CACNB4: variants seen among roughly 807,000 people sequenced by gnomAD.
CACNB4 encodes the protein calcium voltage-gated channel auxiliary subunit beta 4.
Under a neutral mutation model 71.2 loss-of-function variants are expected in CACNB4, and 32 were observed. The ratio of observed to expected loss-of-function variants is 0.45; its 90% confidence interval spans 0.34 to 0.60. The LOEUF (loss-of-function observed/expected upper bound fraction) is 0.60. Ranked by LOEUF, CACNB4 falls within the 20% of genes least tolerant of loss-of-function variation. The pLI, the probability that CACNB4 is intolerant of heterozygous loss-of-function variation, is 0.01. For synonymous variants in CACNB4, 231 were observed against 236.9 expected, an observed-to-expected ratio of 0.97 and a Z score of 0.23; for missense variants, 464 against 647.9, an observed-to-expected ratio of 0.72 and a Z score of 3.08.
intron 2 of CACNB4, among the ~76,000 whole-genome samples, chr2:152,040,889 A>T (rs1455023073): frequency 6.6e-6 from 1 of 152,232 alleles, no homozygotes; most frequent in African/African-American, 2.4e-5. Flanking sequence ...CTGTGAAACA[A>T]ATTGGTATTT....
chr2:151,903,653 T>C (rs1173194516), intron 2 of CACNB4, among the ~76,000 whole-genome samples: 1 of 152,210 alleles, frequency 6.6e-6, no homozygotes, highest in Non-Finnish European at 1.5e-5. Flanking sequence ...GCCAATAACA[T>C]GCTTCTCACA....
chr2:152,084,247 A>G (rs1687524595), intron 2 of CACNB4, among the ~76,000 whole-genome samples: 1 of 152,172 alleles, frequency 6.6e-6, no homozygotes, highest in African/African-American at 2.4e-5. Flanking sequence ...GCACAAGAAG[A>G]GTCACTCGAG....
intron 8 of CACNB4, chr2:151,870,281 CT>C (rs1559899136): frequency 1.4e-6 from 1 of 703,102 alleles, no homozygotes; most frequent in Non-Finnish European, 2.6e-6. Context: ...TTGACCAGAT[CT>C]TCCCATTGTG....
intron 2 of CACNB4, among the ~76,000 whole-genome samples, chr2:152,063,612 T>C (rs12465422): frequency 0.42 from 63,424 of 152,136 alleles, 16,007 homozygotes; most frequent in Non-Finnish European, 0.57. Context: ...GTTTTCTGCA[T>C]ATTACATAAT....
chr2:152,088,124 A>C (rs939992721), intron 2 of CACNB4, among the ~76,000 whole-genome samples: 7 of 144,078 alleles, frequency 4.9e-5, no homozygotes, highest in African/African-American at 1.9e-4. Context: ...TGAAAAAAAG[A>C]ATGCCTTCCC....
At chr2:151,894,635 G>A (rs530375034) in intron 2 of CACNB4, among the ~76,000 whole-genome samples, 70 of 152,168 alleles carry the variant, frequency 4.6e-4, no homozygotes, top group Admixed American at 1.0e-3. Context: ...CTTTACAGAC[G>A]ACATGATCTT....
chr2:152,074,802 C>T (rs1686918271), intron 2 of CACNB4, among the ~76,000 whole-genome samples: 1 of 152,056 alleles, frequency 6.6e-6, no homozygotes, highest in Non-Finnish European at 1.5e-5. Flanking sequence ...CATCACCATC[C>T]TACAGTCACC....
At chr2:152,089,577 G>A (rs1687855123) in intron 2 of CACNB4, among the ~76,000 whole-genome samples, 1 of 152,146 alleles carries the variant, frequency 6.6e-6, no homozygotes, top group Non-Finnish European at 1.5e-5. Flanking sequence ...CTCCAGCAAA[G>A]GGACAGAAAA....
chr2:151,998,054 G>A (rs778327788), intron 2 of CACNB4, among the ~76,000 whole-genome samples: 7 of 152,178 alleles, frequency 4.6e-5, no homozygotes, highest in African/African-American at 1.4e-4. Flanking sequence ...TGGGCATGGT[G>A]GCTCATGTCT....
chr2:152,071,565 A>G (rs1469019150), intron 2 of CACNB4, among the ~76,000 whole-genome samples: 2 of 152,224 alleles, frequency 1.3e-5, no homozygotes, highest in Non-Finnish European at 2.9e-5. Context: ...AGGGAAAAAA[A>G]TTAAGAATTT....
intron 2 of CACNB4, among the ~76,000 whole-genome samples, chr2:151,928,593 C>A (rs1311194630): frequency 6.6e-6 from 1 of 152,138 alleles, no homozygotes; most frequent in East Asian, 1.9e-4. Flanking sequence ...TGTGGATATG[C>A]AATCTCTGTG....
At chr2:152,052,631 G>C (rs1377718933) in intron 2 of CACNB4, among the ~76,000 whole-genome samples, 1 of 152,110 alleles carries the variant, frequency 6.6e-6, no homozygotes, top group Admixed American at 6.6e-5. Context: ...CTTAAGTCAA[G>C]GACCCTCTGT....
intron 2 of CACNB4, among the ~76,000 whole-genome samples, chr2:151,933,363 C>A (rs2099862096): frequency 6.6e-6 from 1 of 151,804 alleles, no homozygotes; most frequent in Non-Finnish European, 1.5e-5. Flanking sequence ...AGTAAGGCAT[C>A]CTGACCATGT....
In CACNB4 at chr2:152,098,671, G is replaced by C; in HGVS notation, c.64-258C>G. On this transcript the variant is annotated intron_variant, in intron 1 of 13. Transcript: ENST00000539935. The surrounding 1 kb of genome is among the most constrained non-coding windows in gnomAD (Gnocchi z 5.3). ...CCATTAACAAAGACTCTCAGGGTGC[G>C]GGGTCCGAGTCCCCGGCATCCGCTG... The C allele has an allele frequency of 6.4e-7, 1 of 1,568,296 alleles. No homozygotes were observed. The highest frequency in any genetic ancestry group is 8.6e-7 in the Non-Finnish European group (1 of 1,156,700).
At chr2:151,999,016 G>A (rs998469806) in intron 2 of CACNB4, among the ~76,000 whole-genome samples, 6 of 152,214 alleles carry the variant, frequency 3.9e-5, no homozygotes, top group African/African-American at 9.6e-5. Context: ...CCCCGGGGCT[G>A]AGCCTGAATT....
chr2:151,906,367 C>G (rs1319644098), intron 2 of CACNB4, among the ~76,000 whole-genome samples: 1 of 152,170 alleles, frequency 6.6e-6, no homozygotes, highest in Non-Finnish European at 1.5e-5. Context: ...GTGAAAATCA[C>G]TGTCTTATGC....
At chr2:152,007,043 A>G (rs1682769914) in intron 2 of CACNB4, among the ~76,000 whole-genome samples, 1 of 152,158 alleles carries the variant, frequency 6.6e-6, no homozygotes, top group Non-Finnish European at 1.5e-5. Flanking sequence ...ATGAGCAATA[A>G]GTTAGATGAG....
intron 2 of CACNB4, among the ~76,000 whole-genome samples, chr2:151,997,314 C>G (rs995127131): frequency 6.6e-6 from 1 of 152,108 alleles, no homozygotes; most frequent in Admixed American, 6.5e-5. Context: ...GCAGGCGGAT[C>G]ACGAGGTCAG....
At chr2:151,875,020 A>G (rs2099845602) in intron 5 of CACNB4, 5 of 354,922 alleles carry the variant, frequency 1.4e-5, no homozygotes, top group Admixed American at 4.8e-5. Flanking sequence ...ATACCATCAC[A>G]TTTTTTTTTT....
Sources: gnomAD v4.1 joint callset for allele counts (sites outside exome capture counted in the v4.1 genomes callset) on GRCh38, gnomAD v4.1.1 for gene constraint, Gnocchi (gnomAD v3.1) non-coding constraint, MANE v1.5 for transcripts, NCBI Gene and HGNC (gene_info 2026-07-23, HGNC 2026-07-21) for gene names.